KIF13A: variants seen among roughly 807,000 people sequenced by gnomAD.
KIF13A encodes the protein kinesin-like protein KIF13A.
In KIF13A, 79 loss-of-function variants were observed where a neutral mutation model predicts 212.2. That is an observed-to-expected ratio of 0.37 (90% confidence interval 0.31 to 0.45). The LOEUF (loss-of-function observed/expected upper bound fraction) is 0.45, where lower values mean the gene tolerates loss of function less well. KIF13A is among the 20% of genes least tolerant of loss of function. The pLI, the probability that KIF13A is intolerant of heterozygous loss-of-function variation, is 1.00. For missense variants in KIF13A, 1,901 were observed against 2,209.0 expected, an observed-to-expected ratio of 0.86 and a Z score of 2.79; for synonymous variants, 789 against 808.6, an observed-to-expected ratio of 0.98 and a Z score of 0.41.
chr6:17,978,224 A>C (rs1780756316), intron 2 of KIF13A, among the ~76,000 whole-genome samples: 2 of 152,234 alleles, frequency 1.3e-5, no homozygotes, highest in African/African-American at 4.8e-5. Flanking sequence ...CATTTTTCAC[A>C]AATAAAATTT....
Position 17,794,382 on chromosome 6 carries a change from C to CT in KIF13A, c.3088dup (p.Arg1030LysfsTer20). On this transcript the variant is annotated frameshift_variant, in exon 25 of 39. Transcript: ENST00000259711. LOFTEE classifies it high-confidence loss of function. The surrounding 1 kb of genome is among the most constrained non-coding windows in gnomAD (Gnocchi z 4.1). ...CACAGGTTTCACCGTGACTTGTACT[C>CT]TACGGGAATGACCCTGAAGAGGGTG... 1.2e-6 allele frequency: 2 copies of CT among 1,613,218 alleles called. No homozygotes were observed. The highest frequency in any genetic ancestry group is 1.7e-6 in the Non-Finnish European group (2 of 1,179,386).
rs1196190992 is a variant in KIF13A, at chr6:17,783,552, A to G, written c.3544+94T>C. 1.6e-4 allele frequency: 138 copies of G among 866,580 alleles called. 5 individuals are homozygous for G. The South Asian group carries it at 1.9e-3, about 12-fold the overall frequency. The allele number at this position is 866,580 out of a possible 1,614,324, so 53.7% of individuals were successfully genotyped here. A position where few individuals can be genotyped will look rare whatever the true frequency, so the allele number is the denominator to read the frequency against. ...CCCAATTTGGCACATGAATGATTAG[A>G]AGAGTGATTTAAGGATCAAAATAAT... is the stretch of plus-strand genomic sequence containing the variant. On this transcript the variant is annotated intron_variant, in intron 29 of 38. Transcript: ENST00000259711. This position sits in a 1 kb window ranked among gnomAD's most constrained non-coding sequence, Gnocchi z 4.3.
At chr6:17,791,176 T>C (rs1417515167) in intron 25 of KIF13A, among the ~76,000 whole-genome samples, 1 of 152,002 alleles carries the variant, frequency 6.6e-6, no homozygotes, top group East Asian at 1.9e-4. Context: ...AATGTAATCC[T>C]AATCCTGAAG....
intron 20 of KIF13A, among the ~76,000 whole-genome samples, chr6:17,802,839 GC>G (rs940074979): frequency 2.0e-5 from 3 of 151,890 alleles, no homozygotes; most frequent in African/African-American, 7.3e-5. Flanking sequence ...ACCTACCTGG[GC>G]TTTGGTGATC....
chr6:17,803,768 C>T (rs1581353234), intron 20 of KIF13A, among the ~76,000 whole-genome samples: 1 of 152,116 alleles, frequency 6.6e-6, no homozygotes, highest in African/African-American at 2.4e-5. Flanking sequence ...GGGCACAGAG[C>T]TGAATATGGT....
intron 3 of KIF13A, among the ~76,000 whole-genome samples, chr6:17,876,398 T>C (rs1288958210): frequency 6.6e-6 from 1 of 152,164 alleles, no homozygotes. Flanking sequence ...TATAATTTCA[T>C]CTCTGTCCTT....
At position 17,831,054 on chromosome 6, in the gene KIF13A, G is replaced by T. The variant is rs775725118; in HGVS notation, c.1401+47C>A. 3.2e-6 allele frequency: 5 copies of T among 1,567,248 alleles called. No homozygotes were observed. In the South Asian group the frequency reaches 5.9e-5, roughly 19 times the overall value. On this transcript the variant is annotated intron_variant, in intron 13 of 38. Coordinates refer to ENST00000259711, the MANE Select transcript of KIF13A (RefSeq NM_022113.6). ...AGGCACCCAGATTCAACTACGAACT[G>T]TATAGGAATGAATCTTGATTGCATA...
At chr6:17,884,610 A>G (rs1581632882) in intron 3 of KIF13A, among the ~76,000 whole-genome samples, 1 of 152,234 alleles carries the variant, frequency 6.6e-6, no homozygotes, top group African/African-American at 2.4e-5. Flanking sequence ...AAAAATATCA[A>G]TGCAAAACAC....
chr6:17,822,340 G>C (rs772755285), intron 16 of KIF13A, among the ~76,000 whole-genome samples: 1 of 152,134 alleles, frequency 6.6e-6, no homozygotes, highest in Non-Finnish European at 1.5e-5. Flanking sequence ...ACTGCACCCA[G>C]CCATAAATAT....
chr6:17,817,093 T>A lies in KIF13A; in HGVS notation c.1927A>T (p.Ser643Cys). 1 of 1,613,976 alleles carries A rather than the reference T, an allele frequency of 6.2e-7. No individual in the cohort carries two copies. The highest frequency in any genetic ancestry group is 8.5e-7 in the Non-Finnish European group (1 of 1,179,904). ...TAGGCCAGGCGGTCAGGGCCGCTAC[T>A]CTGTGGCTGCCTGTCGGGGGAGAGC... is the stretch of plus-strand genomic sequence containing the variant. ...QQLSPDRQPQ[S>C]SGPDRLAYSS... Residue 643 changes from serine to cysteine, a missense_variant, in exon 17 of 39, where the codon AGT (serine) becomes TGT (cysteine). Transcript: ENST00000259711.
chr6:17,985,632 C>CCGGGGGGGGGGGGGG (rs112580662), intron 2 of KIF13A, among the ~76,000 whole-genome samples: 1 of 38,194 alleles, frequency 2.6e-5, no homozygotes, highest in Non-Finnish European at 5.2e-5. Flanking sequence ...ATGCAGTTTG[C>CCGGGGGGGGGGGGGG]GGGGGGGTGG....
At chr6:17,865,326 G>GAA (rs397750597) in intron 4 of KIF13A, among the ~76,000 whole-genome samples, 26,926 of 112,592 alleles carry the variant, frequency 0.24, 2,609 homozygotes, top group South Asian at 0.4. Context: ...AGAGAGAGAG[G>GAA]AAAAAAAAAA....
chr6:17,960,560 G>A (rs1778729877), intron 2 of KIF13A, among the ~76,000 whole-genome samples: 2 of 152,204 alleles, frequency 1.3e-5, no homozygotes, highest in Non-Finnish European at 2.9e-5. Flanking sequence ...CCCAAAGAGG[G>A]ATCCTCTTAT....
chr6:17,825,795 C>T lies in KIF13A; in HGVS notation c.1759G>A (p.Val587Ile). ...DYNYEFAQME[V>I]IMKTLNSNDP... is the part of the protein sequence containing the mutation. ...TTACTATTCAGGGTTTTCATGATAA[C>T]TTCCATCTGTGCAAATTCATAGTTA... Residue 587 changes from valine to isoleucine, a missense_variant, in exon 16 of 39, where the codon GTT becomes ATT. Physicochemically the swap from Val to Ile is conservative, Grantham distance 29. This residue lies in a region of KIF13A where 534 missense variants were observed against 536.9 expected (regional missense o/e 0.99). Coordinates refer to ENST00000259711, the MANE Select transcript of KIF13A (RefSeq NM_022113.6). This position sits in a 1 kb window ranked among gnomAD's most constrained non-coding sequence, Gnocchi z 4.5. 6.2e-7 allele frequency: 1 copy of T among 1,613,914 alleles called. No homozygotes were observed. The highest frequency in any genetic ancestry group is 8.5e-7 in the Non-Finnish European group (1 of 1,179,878).
At chr6:17,861,931 T>C (rs893479918) in intron 4 of KIF13A, among the ~76,000 whole-genome samples, 1 of 152,228 alleles carries the variant, frequency 6.6e-6, no homozygotes, top group Non-Finnish European at 1.5e-5. Context: ...CTGCCTATGA[T>C]ATGTGCTATG....
chr6:17,772,431 A>G lies in KIF13A; in HGVS notation c.4325-372T>C, dbSNP rs926436214. On this transcript the variant is annotated intron_variant, in intron 36 of 38. Coordinates refer to ENST00000259711, the MANE Select transcript of KIF13A (RefSeq NM_022113.6). This position sits in a 1 kb window ranked among gnomAD's most constrained non-coding sequence, Gnocchi z 4.8. ...CCCTGTCTAAAAACAAAACAAAAAA[A>G]CCCCACAAACAACAAACAACAAACA... is the stretch of plus-strand genomic sequence containing the variant. Among the ~76,000 whole-genome samples the G allele has an allele frequency of 6.6e-6, 1 of 152,094 alleles. No individual in the cohort carries two copies. Among genetic ancestry groups the G allele is most frequent in the Non-Finnish European group, 1.5e-5 (1 of 68,006 alleles).
At chr6:17,930,233 T>C (rs1302970334) in intron 2 of KIF13A, among the ~76,000 whole-genome samples, 1 of 152,160 alleles carries the variant, frequency 6.6e-6, no homozygotes, top group Non-Finnish European at 1.5e-5. Context: ...TCAATATACA[T>C]TAAACCATTT....
intron 19 of KIF13A, 133 bp downstream of exon 19, chr6:17,805,342 A>C: frequency 1.2e-6 from 1 of 818,728 alleles, no homozygotes; most frequent in South Asian, 1.8e-5. Flanking sequence ...TTCCTAATAT[A>C]ATATCTAACG....
rs1386368643 is a variant in KIF13A at position 17,967,331 on chromosome 6, TCA to T, written c.146+19721_146+19722del. Among the ~76,000 whole-genome samples, 1 of 152,198 alleles carries T rather than the reference TCA, an allele frequency of 6.6e-6. No homozygotes were observed. Among genetic ancestry groups the T allele is most frequent in the Non-Finnish European group, 1.5e-5 (1 of 68,042 alleles). On this transcript the variant is annotated intron_variant, in intron 2 of 38. Coordinates refer to ENST00000259711, the MANE Select transcript of KIF13A (RefSeq NM_022113.6). The surrounding 1 kb of genome is among the most constrained non-coding windows in gnomAD (Gnocchi z 4.1). ...CCAAGCACAGAAAAAGGAAAATGCATCACAATGTTAAAAGAATGAGTAAACTG... is the reference window on the plus strand; with the variant it reads ...CCAAGCACAGAAAAAGGAAAATGCATCAATGTTAAAAGAATGAGTAAACTG...
Sources: allele counts gnomAD v4.1 joint callset (sites outside exome capture counted in the v4.1 genomes callset), GRCh38; gene constraint gnomAD v4.1.1; regional missense constraint gnomAD v4.1.1; non-coding constraint Gnocchi (gnomAD v3.1); transcripts MANE v1.5; gene names NCBI Gene and HGNC (gene_info 2026-07-23, HGNC 2026-07-21).